ADGRL2: variants seen among roughly 807,000 people sequenced by gnomAD.
ADGRL2 encodes the protein adhesion G protein-coupled receptor L2, also known as calcium-independent alpha-latrotoxin receptor 2.
Under a neutral mutation model 157.4 loss-of-function variants are expected in ADGRL2, and 44 were observed. The ratio of observed to expected loss-of-function variants is 0.28; its 90% CI spans 0.22 to 0.36. The LOEUF is 0.36. ADGRL2 is among the 10% of genes least tolerant of loss of function. The pLI, the probability that ADGRL2 is intolerant of heterozygous loss-of-function variation, is 1.00. For missense variants in ADGRL2, 1,510 were observed against 1,768.9 expected (o/e 0.85, Z 2.63); for synonymous variants, 585 against 624.7 (o/e 0.94, Z 0.95).
intron 1 of ADGRL2, among the ~76,000 whole-genome samples, chr1:81,425,693 C>T (rs2077199958): frequency 6.6e-6 from 1 of 152,132 alleles, no homozygotes; most frequent in Non-Finnish European, 1.5e-5. Context: ...TAAATCCTTA[C>T]TTTTTTGCCG....
In ADGRL2 at chr1:81,546,112, C is replaced by T. The variant is rs560855450; in HGVS notation, c.-247-34764C>T. On this transcript the variant is annotated intron_variant, in intron 2 of 24. Coordinates refer to the ADGRL2 transcript ENST00000370721. The stretch of plus-strand genomic sequence containing the variant: ...ATTTATATCCCGTCCACCACTACCA[C>T]CATCACCACCTGCCCCTAGAATTGT... 2.0e-5 allele frequency among the ~76,000 whole-genome samples: 3 copies of T among 152,268 alleles called. No homozygotes were observed. The South Asian group carries it at 6.2e-4, about 32-fold the overall frequency.
At chr1:81,829,814 A>G (rs139149684) in intron 1 of ADGRL2, among the ~76,000 whole-genome samples, 50 of 152,302 alleles carry the variant, frequency 3.3e-4, no homozygotes, top group African/African-American at 1.2e-3. Context: ...TGATTGAATC[A>G]TAGATTTATA....
intron 1 of ADGRL2, among the ~76,000 whole-genome samples, chr1:81,831,232 G>C (rs937361747): frequency 3.3e-5 from 5 of 152,168 alleles, no homozygotes; most frequent in African/African-American, 4.8e-5. Context: ...AACTTCTCTA[G>C]TAGTTTGGTT....
intron 3 of ADGRL2, among the ~76,000 whole-genome samples, chr1:81,634,170 G>A (rs2082068944): frequency 6.6e-6 from 1 of 152,174 alleles, no homozygotes; most frequent in Non-Finnish European, 1.5e-5. Flanking sequence ...GTGATCAGTT[G>A]TGCCAAATAC....
At chr1:81,501,818 C>T in intron 2 of ADGRL2, 1 of 1,601,248 alleles carries the variant, frequency 6.2e-7, no homozygotes, top group Non-Finnish European at 8.5e-7. Context: ...GCAACAGCAG[C>T]AGCAACAGAA....
intron 3 of ADGRL2, among the ~76,000 whole-genome samples, chr1:81,595,344 T>A (rs1287523310): frequency 6.6e-6 from 1 of 152,120 alleles, no homozygotes. Flanking sequence ...AACATGGGAG[T>A]AATAACATTT....
rs557856658 is a variant in ADGRL2 at position 81,649,258 on chromosome 1, G to A, written c.-143+68278G>A. 4.6e-5 allele frequency among the ~76,000 whole-genome samples: 7 copies of A among 152,198 alleles called. No homozygotes were observed. In the East Asian group the frequency reaches 1.4e-3, roughly 29 times the overall value. On this transcript the variant is annotated intron_variant, in intron 3 of 24. Transcript: ENST00000370721. ...TTCTAGACCTACCCTATCCAAAAGTGTACCAAAAACCTTTTCTCGCTGCTT... is the reference window on the plus strand; with the variant it reads ...TTCTAGACCTACCCTATCCAAAAGTATACCAAAAACCTTTTCTCGCTGCTT...
chr1:81,502,412 G>A, intron 2 of ADGRL2: 3 of 1,614,118 alleles, frequency 1.9e-6, no homozygotes, highest in Non-Finnish European at 2.5e-6. Context: ...CAAGCTGTAT[G>A]AACTGGACGG....
intron 2 of ADGRL2, among the ~76,000 whole-genome samples, chr1:81,865,645 T>A (rs141210944): frequency 3.2e-4 from 48 of 152,250 alleles, no homozygotes; most frequent in African/African-American, 1.1e-3. Flanking sequence ...ACTTTGTTAG[T>A]AACCTTTGCT....
chr1:81,419,054 C>A (rs116023998), intron 1 of ADGRL2, among the ~76,000 whole-genome samples: 2 of 152,054 alleles, frequency 1.3e-5, no homozygotes, highest in African/African-American at 4.8e-5. Context: ...TGGTTGCAGA[C>A]CAAGCAGCAG....
intron 1 of ADGRL2, among the ~76,000 whole-genome samples, chr1:81,393,422 A>C (rs2076595744): frequency 6.6e-6 from 1 of 152,060 alleles, no homozygotes; most frequent in Admixed American, 6.6e-5. Flanking sequence ...ACATTTATAA[A>C]GTAAAACACC....
At chr1:81,721,762 C>T (rs901166122) in intron 1 of ADGRL2, 14 of 1,404,116 alleles carry the variant, frequency 1.0e-5, no homozygotes, top group Non-Finnish European at 6.0e-6. Flanking sequence ...GCATTCTGCA[C>T]ACCGAGGAAA....
intron 3 of ADGRL2, among the ~76,000 whole-genome samples, chr1:81,608,208 T>C (rs1405755397): frequency 6.6e-6 from 1 of 152,156 alleles, no homozygotes; most frequent in East Asian, 1.9e-4. Flanking sequence ...AGGTTCACTG[T>C]TCAGTCCATC....
At chr1:81,646,001 A>C (rs553064891) in intron 3 of ADGRL2, among the ~76,000 whole-genome samples, 2 of 152,236 alleles carry the variant, frequency 1.3e-5, no homozygotes, top group Admixed American at 1.3e-4. Context: ...TTATCAAAAA[A>C]CTTAAGTCAC....
At chr1:81,809,628 T>A (rs12569010) in intron 1 of ADGRL2, among the ~76,000 whole-genome samples, 20,939 of 151,948 alleles carry the variant, frequency 0.14, 1,633 homozygotes, top group East Asian at 0.18. Flanking sequence ...ACCATGAGGT[T>A]CCTAATAAAA....
chr1:81,932,034 CT>C (rs1471905555), intron 3 of ADGRL2, among the ~76,000 whole-genome samples: 1 of 152,098 alleles, frequency 6.6e-6, no homozygotes, highest in African/African-American at 2.4e-5. Flanking sequence ...TATTGCCTTC[CT>C]AGAGTTGAGC....
chr1:81,950,991 C>G, intron 7 of ADGRL2, 27 bp from the exon 8 acceptor site: 1 of 1,460,086 alleles, frequency 6.8e-7, no homozygotes, highest in African/African-American at 1.4e-5. Flanking sequence ...GTTTCAATTT[C>G]ACTGTTGTTT....
intron 1 of ADGRL2, among the ~76,000 whole-genome samples, chr1:81,408,556 CG>C (rs1295151100): frequency 6.6e-6 from 1 of 152,138 alleles, no homozygotes; most frequent in Non-Finnish European, 1.5e-5. Context: ...CTGCTGTTCG[CG>C]TGCCTAGACT....
chr1:81,699,110 C>G (rs1298389203), upstream of ADGRL2, among the ~76,000 whole-genome samples: 1 of 152,176 alleles, frequency 6.6e-6, no homozygotes, highest in Non-Finnish European at 1.5e-5. Flanking sequence ...CAGCGATATT[C>G]ATTTTGATTG....
Sources: allele counts gnomAD v4.1 joint callset (sites outside exome capture counted in the v4.1 genomes callset), GRCh38; gene constraint gnomAD v4.1.1; transcripts MANE v1.5; gene names NCBI Gene and HGNC (gene_info 2026-07-23, HGNC 2026-07-21).